VPS13B: variants seen among roughly 807,000 people sequenced by gnomAD.
The protein encoded by VPS13B is vacuolar protein sorting 13 homolog B, also known as intermembrane lipid transfer protein VPS13B.
VPS13B carries 285 observed loss-of-function variants against 426.4 expected under a neutral mutation model. The ratio of observed to expected loss-of-function variants is 0.67; its 90% CI spans 0.61 to 0.74. The LOEUF (loss-of-function observed/expected upper bound fraction) is 0.74, where lower values mean the gene tolerates loss of function less well. VPS13B is among the 30% of genes least tolerant of loss of function. The probability of loss-of-function intolerance (pLI) is 0.00; values close to 1 mark genes in which losing one functional copy is unlikely to be tolerated. For missense variants in VPS13B, 4,537 were observed against 4,782.6 expected (o/e 0.95, Z 1.51); for synonymous variants, 1,676 against 1,676.4 (o/e 1.00, Z 0.01).
chr8:99,249,451 G>T (rs1817390418), intron 17 of VPS13B, among the ~76,000 whole-genome samples: 1 of 145,132 alleles, frequency 6.9e-6, no homozygotes, highest in Non-Finnish European at 1.5e-5. Context: ...TTTTGAGATG[G>T]AGTCTTGCTT....
chr8:99,559,790 T>C lies in VPS13B; in HGVS notation c.4949+3137T>C, dbSNP rs1483111580. 3.9e-5 allele frequency among the ~76,000 whole-genome samples: 6 copies of C among 152,318 alleles called. No individual in the cohort carries two copies. The East Asian group carries it at 1.2e-3, about 29-fold the overall frequency. ...TATCTCTGTTTTGGTACCAGTACCA[T>C]GCTGTTTTGGTTACTGTAGCCGTGT... On this transcript the variant is annotated intron_variant, in intron 31 of 61. Coordinates refer to ENST00000357162, the MANE Select transcript of VPS13B (RefSeq NM_152564.5).
intron 30 of VPS13B, among the ~76,000 whole-genome samples, chr8:99,545,795 C>T (rs1321430872): frequency 6.6e-6 from 1 of 151,986 alleles, no homozygotes; most frequent in Non-Finnish European, 1.5e-5. Flanking sequence ...AGGTGATAAA[C>T]TAATGGATGG....
intron 39 of VPS13B, among the ~76,000 whole-genome samples, chr8:99,731,432 T>G (rs890579843): frequency 6.6e-6 from 1 of 152,218 alleles, no homozygotes; most frequent in Non-Finnish European, 1.5e-5. Context: ...AAACCAGGAT[T>G]CAAATCTCAG....
intron 19 of VPS13B, among the ~76,000 whole-genome samples, chr8:99,315,613 A>G (rs1809599825): frequency 6.6e-6 from 1 of 150,606 alleles, no homozygotes; most frequent in Admixed American, 6.6e-5. Flanking sequence ...CAATATTCTG[A>G]ATTATTTCCC....
At position 99,523,601 on chromosome 8, in the gene VPS13B, C is replaced by T. The variant is rs967970787; in HGVS notation, c.4745+2591C>T. ...TTGCCTGGTAATTCAGACAATTCTT[C>T]GGGATCTTATCCAAGACTACCAAGG... is the stretch of plus-strand genomic sequence containing the variant. On this transcript the variant is annotated intron_variant, in intron 30 of 61. Coordinates refer to ENST00000357162, the MANE Select transcript of VPS13B (RefSeq NM_152564.5). Among the ~76,000 whole-genome samples, 7 of 152,194 alleles carry T rather than the reference C, an allele frequency of 4.6e-5. 2 individuals are homozygous for T. In the South Asian group the frequency reaches 8.3e-4, roughly 18 times the overall value.
At position 99,870,797 on chromosome 8, in the gene VPS13B, G is replaced by C; in HGVS notation, c.11405G>C (p.Gly3802Ala). The change falls in exon 60 of 62, where the codon GGA becomes GCA. Residue 3802 changes from glycine to alanine, a missense_variant. Gly to Ala is a moderately conservative substitution (Grantham distance 60, BLOSUM62 0). Around this residue, in one of 2 missense-constraint regions of VPS13B, gnomAD observed 4,311 missense variants for 4,474.3 expected, o/e 0.96. Transcript: ENST00000357162. ...TCTCTTACCACAGGTATTTTACATG[G>C]AGCTGGACTTTCTCAGCTTCCCAAA... is the stretch of plus-strand genomic sequence containing the variant. ...VSQTGYGILHGAGLSQLPKQR... is the reference protein window; with the variant it reads ...VSQTGYGILHAAGLSQLPKQR... The C allele has an allele frequency of 6.2e-7, 1 of 1,614,150 alleles. No homozygotes were observed. The highest frequency in any genetic ancestry group is 8.5e-7 in the Non-Finnish European group (1 of 1,180,000).
intron 43 of VPS13B, among the ~76,000 whole-genome samples, chr8:99,802,688 G>A (rs888833898): frequency 3.3e-5 from 5 of 152,138 alleles, no homozygotes; most frequent in Admixed American, 3.3e-4. Flanking sequence ...AAAATGGGGT[G>A]TACTGCCCAT....
chr8:99,356,850 T>G (rs1812208622), intron 19 of VPS13B, among the ~76,000 whole-genome samples: 1 of 152,232 alleles, frequency 6.6e-6, no homozygotes, highest in Non-Finnish European at 1.5e-5. Flanking sequence ...CAACCTTTTC[T>G]GTATTAGCTC....
At chr8:99,802,249 T>C (rs1340904054) in intron 43 of VPS13B, among the ~76,000 whole-genome samples, 2 of 151,666 alleles carry the variant, frequency 1.3e-5, no homozygotes, top group Non-Finnish European at 2.9e-5. Context: ...AATATAGCAA[T>C]ATAGCAAGCC....
At chr8:99,295,121 T>C (rs6468677) in intron 19 of VPS13B, among the ~76,000 whole-genome samples, 111,707 of 151,992 alleles carry the variant, frequency 0.73, 41,790 homozygotes, top group South Asian at 0.87. Context: ...TAGAAAACAG[T>C]TAGGGAGATA....
At chr8:99,824,352 G>C (rs1037518414) in intron 51 of VPS13B, among the ~76,000 whole-genome samples, 1 of 152,194 alleles carries the variant, frequency 6.6e-6, no homozygotes, top group Admixed American at 6.5e-5. Context: ...TGCAGTGCCT[G>C]GGGGAGCCAT....
chr8:99,819,296 C>A, intron 47 of VPS13B, 116 bp from the exon 48 acceptor site: 1 of 1,234,214 alleles, frequency 8.1e-7, no homozygotes, highest in Non-Finnish European at 1.2e-6. Context: ...TAAATGGACT[C>A]TATCTACCAA....
At chr8:99,744,593 G>A (rs1809966196) in intron 39 of VPS13B, among the ~76,000 whole-genome samples, 1 of 152,118 alleles carries the variant, frequency 6.6e-6, no homozygotes, top group Non-Finnish European at 1.5e-5. Flanking sequence ...ATGATAGACT[G>A]GATTAAGAAA....
At chr8:99,814,273 T>G (rs1277867121) in intron 44 of VPS13B, among the ~76,000 whole-genome samples, 3 of 152,246 alleles carry the variant, frequency 2.0e-5, no homozygotes, top group Non-Finnish European at 4.4e-5. Context: ...TAGGACGCTT[T>G]CAGTTTGAAG....
intron 14 of VPS13B, among the ~76,000 whole-genome samples, chr8:99,153,459 C>G (rs905536272): frequency 5.3e-5 from 8 of 151,928 alleles, no homozygotes; most frequent in Non-Finnish European, 7.4e-5. Context: ...CCTCTATTAA[C>G]CTACCTGTTA....
At chr8:99,128,862 G>A (rs889498096) in intron 8 of VPS13B, among the ~76,000 whole-genome samples, 7 of 151,984 alleles carry the variant, frequency 4.6e-5, no homozygotes, top group South Asian at 4.2e-4. Context: ...TAAGATAGCT[G>A]GACTCAGTGG....
At chr8:99,085,146 G>T (rs527952785) in intron 3 of VPS13B, among the ~76,000 whole-genome samples, 1 of 152,262 alleles carries the variant, frequency 6.6e-6, no homozygotes, top group East Asian at 1.9e-4. Context: ...CCTTTATTGG[G>T]TGCATATATA....
intron 33 of VPS13B, among the ~76,000 whole-genome samples, chr8:99,632,074 C>T (rs1214085336): frequency 6.6e-6 from 1 of 151,730 alleles, no homozygotes; most frequent in Non-Finnish European, 1.5e-5. Context: ...AGAGAAATGT[C>T]AGAAAGTTTT....
At chr8:99,126,442 C>A (rs909621535) in intron 8 of VPS13B, among the ~76,000 whole-genome samples, 3 of 152,098 alleles carry the variant, frequency 2.0e-5, no homozygotes, top group African/African-American at 7.2e-5. Flanking sequence ...TTTTTCTGGT[C>A]ATATTCTGCT....
Sources: gnomAD v4.1 joint callset for allele counts (sites outside exome capture counted in the v4.1 genomes callset) on GRCh38, gnomAD v4.1.1 for gene constraint, gnomAD v4.1.1 regional missense constraint, MANE v1.5 for transcripts, NCBI Gene and HGNC (gene_info 2026-07-23, HGNC 2026-07-21) for gene names.